GRIN2A: variants seen among roughly 807,000 people sequenced by gnomAD.
The protein encoded by GRIN2A is glutamate ionotropic receptor NMDA type subunit 2A.
A neutral mutation model predicts 113.4 loss-of-function variants in GRIN2A; 22 were observed. That is an observed-to-expected ratio of 0.19 (90% CI 0.14 to 0.28). GRIN2A has a LOEUF of 0.28. GRIN2A is among the 10% of genes least tolerant of loss of function. The pLI is 1.00. For missense variants in GRIN2A, 1,502 were observed against 1,887.0 expected (o/e 0.80, Z 3.78); for synonymous variants, 827 against 738.4 (o/e 1.12, Z -1.94).
chr16:10,063,087 G>A (rs771626695), intron 2 of GRIN2A, among the ~76,000 whole-genome samples: 3 of 152,150 alleles, frequency 2.0e-5, no homozygotes, highest in Non-Finnish European at 4.4e-5. Flanking sequence ...CATGGATGGA[G>A]CTGGAGGACA....
At chr16:10,165,794 AG>A (rs1389044246) in intron 2 of GRIN2A, among the ~76,000 whole-genome samples, 3 of 124,656 alleles carry the variant, frequency 2.4e-5, no homozygotes, top group South Asian at 6.6e-4. Flanking sequence ...GGAGTGGAGA[AG>A]GGAGGGGAGG....
At chr16:9,786,817 A>C (rs1902258528) in intron 11 of GRIN2A, among the ~76,000 whole-genome samples, 1 of 152,230 alleles carries the variant, frequency 6.6e-6, no homozygotes. Flanking sequence ...AATAGGAATG[A>C]ATAATTATAA....
chr16:9,889,761 A>G (rs1229887044), intron 4 of GRIN2A, among the ~76,000 whole-genome samples: 1 of 152,152 alleles, frequency 6.6e-6, no homozygotes, highest in East Asian at 1.9e-4. Flanking sequence ...GAGATTTTCT[A>G]GATATATTTT....
At chr16:9,923,411 T>G (rs1207224763) in intron 3 of GRIN2A, among the ~76,000 whole-genome samples, 1 of 152,230 alleles carries the variant, frequency 6.6e-6, no homozygotes, top group African/African-American at 2.4e-5. Context: ...ACTATTTACA[T>G]GTAATGTGAT....
intron 2 of GRIN2A, among the ~76,000 whole-genome samples, chr16:10,094,290 T>TA (rs1398316689): frequency 6.6e-6 from 1 of 152,202 alleles, no homozygotes; most frequent in African/African-American, 2.4e-5. Flanking sequence ...AGGTGAGAGT[T>TA]ACAGGCTCAG....
chr16:9,786,320 T>G (rs1196795276), intron 11 of GRIN2A, among the ~76,000 whole-genome samples: 1 of 152,162 alleles, frequency 6.6e-6, no homozygotes, highest in East Asian at 1.9e-4. Flanking sequence ...ATCTCCTGCT[T>G]CTGGGTCCTT....
intron 2 of GRIN2A, among the ~76,000 whole-genome samples, chr16:10,145,554 G>A (rs2049422449): frequency 1.3e-5 from 2 of 151,800 alleles, no homozygotes; most frequent in Non-Finnish European, 2.9e-5. Context: ...TGAATTGAGG[G>A]TACATGAGTG....
At chr16:9,795,097 A>G (rs2141220641) in intron 11 of GRIN2A, among the ~76,000 whole-genome samples, 1 of 152,292 alleles carries the variant, frequency 6.6e-6, no homozygotes, top group South Asian at 2.1e-4. Context: ...AGAACACTCC[A>G]TCTTAAATAG....
In GRIN2A at chr16:9,759,883, G is replaced by A. The variant is rs755540507; in HGVS notation, c.*3266C>T. ...GAAACCCATTTTCCAGAAGCACAAA[G>A]GTTTCTCAAGTACAGTTTATGCTCT... On this transcript the variant is annotated 3_prime_UTR_variant, in exon 13 of 13. Transcript: ENST00000330684. The A allele has an allele frequency of 3.0e-5, 7 of 230,264 alleles. No individual in the cohort carries two copies. Among genetic ancestry groups the A allele is most frequent in the Non-Finnish European group, 5.2e-5 (6 of 116,352 alleles). The allele number at this position is 230,264 out of a possible 1,614,324, so 14.3% of individuals were successfully genotyped here.
At chr16:9,888,141 A>T (rs887558743) in intron 4 of GRIN2A, among the ~76,000 whole-genome samples, 2 of 152,116 alleles carry the variant, frequency 1.3e-5, no homozygotes, top group Non-Finnish European at 2.9e-5. Context: ...GGGTTTCACC[A>T]TATTGGTCAG....
At chr16:9,967,753 G>A (rs1214580876) in intron 2 of GRIN2A, among the ~76,000 whole-genome samples, 1 of 152,010 alleles carries the variant, frequency 6.6e-6, no homozygotes, top group East Asian at 1.9e-4. Context: ...GGTAGGGAAA[G>A]TTTGGGAGGG....
At chr16:10,122,517 C>A (rs779992180) in intron 2 of GRIN2A, among the ~76,000 whole-genome samples, 1 of 152,050 alleles carries the variant, frequency 6.6e-6, no homozygotes, top group Admixed American at 6.6e-5. Context: ...TAGAGGCATG[C>A]GGCTGTCAGA....
In GRIN2A at chr16:9,890,996, T is replaced by C; in HGVS notation, c.1112A>G (p.Glu371Gly). ...LVVIVLNKDR[E>G]WEKVGKWENH... ...CAGAAGGATGCTCACCTTTTCCCAT[T>C]CCCGGTCTTTGTTCAGCACAATCAC... Residue 371 changes from glutamate to glycine, a missense_variant, in exon 4 of 13, where the codon GAA (glutamate) becomes GGA (glycine). Coordinates refer to ENST00000330684, the MANE Select transcript of GRIN2A (RefSeq NM_001134407.3). 1.2e-6 allele frequency: 2 copies of C among 1,603,486 alleles called. No homozygotes were observed. The highest frequency in any genetic ancestry group is 1.7e-6 in the Non-Finnish European group (2 of 1,170,394).
At chr16:10,055,907 C>T (rs1596466900) in intron 2 of GRIN2A, among the ~76,000 whole-genome samples, 1 of 152,148 alleles carries the variant, frequency 6.6e-6, no homozygotes, top group Middle Eastern at 3.4e-3. Context: ...TTTGTCACTC[C>T]CTAAACAGCA....
chr16:10,080,317 G>T (rs761114705), intron 2 of GRIN2A, among the ~76,000 whole-genome samples: 4 of 152,122 alleles, frequency 2.6e-5, no homozygotes, highest in Non-Finnish European at 2.9e-5. Context: ...CCACCAAAAG[G>T]CACCTTTTTA....
chr16:9,781,286 C>G lies in GRIN2A; in HGVS notation c.2357-12197G>C, dbSNP rs184375652. Among the ~76,000 whole-genome samples, 16 of 152,288 alleles carry G rather than the reference C, an allele frequency of 1.1e-4. No homozygotes were observed. The East Asian group carries it at 2.3e-3, about 22-fold the overall frequency. On this transcript the variant is annotated intron_variant, in intron 11 of 12. Coordinates refer to ENST00000330684, the MANE Select transcript of GRIN2A (RefSeq NM_001134407.3). ...GCACCTTCTAAAATAGCAAAAAGAA[C>G]TGTAATGCCTAATGCTGCTAGATAG...
At chr16:9,942,311 T>G (rs966242219) in intron 2 of GRIN2A, among the ~76,000 whole-genome samples, 1 of 152,168 alleles carries the variant, frequency 6.6e-6, no homozygotes, top group South Asian at 2.1e-4. Context: ...AGCTTTATAG[T>G]TGAAATACCA....
At position 9,762,388 on chromosome 16, in the gene GRIN2A, A is replaced by C. The variant is rs906976311; in HGVS notation, c.*761T>G. ...GTTAGTTTATGCAGCTCTGAACAAG[A>C]CCATCGAAGCCGAGGGTGAGAGAAA... On this transcript the variant is annotated 3_prime_UTR_variant, in exon 13 of 13. Transcript: ENST00000330684. 4.4e-6 allele frequency: 1 copy of C among 226,728 alleles called. No homozygotes were observed. Among genetic ancestry groups the C allele is most frequent in the African/African-American group, 2.2e-5 (1 of 44,910 alleles). The allele number at this position is 226,728 out of a possible 1,614,324, so 14.0% of individuals were successfully genotyped here.
chr16:10,125,724 G>A (rs1481745951), intron 2 of GRIN2A, among the ~76,000 whole-genome samples: 1 of 152,018 alleles, frequency 6.6e-6, no homozygotes, highest in Non-Finnish European at 1.5e-5. Flanking sequence ...CCCAGGGGAA[G>A]AGGCTGCCTT....
Sources: gnomAD v4.1 joint callset for allele counts (sites outside exome capture counted in the v4.1 genomes callset) on GRCh38, gnomAD v4.1.1 for gene constraint, MANE v1.5 for transcripts, NCBI Gene and HGNC (gene_info 2026-07-23, HGNC 2026-07-21) for gene names.